MDM2: variants seen among roughly 807,000 people sequenced by gnomAD.
MDM2 encodes E3 ubiquitin-protein ligase Mdm2.
Under a neutral mutation model 64.3 loss-of-function variants are expected in MDM2, and 11 were observed. That is an observed-to-expected ratio of 0.17 (90% CI 0.11 to 0.28). MDM2 has a LOEUF of 0.28. MDM2 is among the 10% of genes least tolerant of loss of function. The pLI is 1.00. For missense variants in MDM2, 388 were observed against 577.1 expected (o/e 0.67, Z 3.36); for synonymous variants, 194 against 192.9 (o/e 1.01, Z -0.05).
intron 2 of MDM2, 31 bp downstream of exon 2, chr12:68,809,323 G>A: frequency 6.3e-7 from 1 of 1,579,288 alleles, no homozygotes; most frequent in East Asian, 2.2e-5. Context: ...TAACTTTTAA[G>A]AATAATTTAT....
Position 68,824,710 on chromosome 12 carries a change from G to T in MDM2, c.523+59G>T, listed in dbSNP as rs148010327. ...AGCTTTTTGATATTCTTTCTCTAATGAAATTAGTGCTTTTAGACTTAATTA... is the reference window on the plus strand; with the variant it reads ...AGCTTTTTGATATTCTTTCTCTAATTAAATTAGTGCTTTTAGACTTAATTA... On this transcript the variant is annotated intron_variant, in intron 7 of 10. Coordinates refer to ENST00000258149, the MANE Select transcript of MDM2 (RefSeq NM_002392.6). The T allele has an allele frequency of 1.0e-3, 1,154 of 1,108,674 alleles. 6 individuals carry two copies. The African/African-American group carries it at 0.016, about 15-fold the overall frequency. The allele number at this position is 1,108,674 out of a possible 1,614,324, so 68.7% of individuals were successfully genotyped here.
At chr12:68,831,277 A>G (rs1805287231) in intron 8 of MDM2, among the ~76,000 whole-genome samples, 2 of 152,216 alleles carry the variant, frequency 1.3e-5, no homozygotes, top group African/African-American at 4.8e-5. Context: ...GGGGGCTCTA[A>G]AGCTGAAAGA....
intron 2 of MDM2, among the ~76,000 whole-genome samples, chr12:68,811,970 T>C (rs1295855199): frequency 6.6e-6 from 1 of 151,834 alleles, no homozygotes; most frequent in Non-Finnish European, 1.5e-5. Context: ...GGTCTCACAC[T>C]CCTGACCTCA....
Position 68,842,572 on chromosome 12 carries a change from C to A in MDM2, c.*2723C>A. 3.0e-6 allele frequency: 1 copy of A among 333,044 alleles called. No individual in the cohort carries two copies. Among genetic ancestry groups the A allele is most frequent in the South Asian group, 3.0e-5 (1 of 32,926 alleles). 20.6% of individuals were successfully genotyped at this position (333,044 alleles called of 1,614,324 possible). On this transcript the variant is annotated 3_prime_UTR_variant, in exon 11 of 11. Transcript: ENST00000258149. Reference sequence around the variant, plus strand: ...ATGTTTGATCGCATCTCATTGTTAACTCTTTACTGATATGTTTGTAAATAC... The same window carrying A: ...ATGTTTGATCGCATCTCATTGTTAAATCTTTACTGATATGTTTGTAAATAC...
At chr12:68,848,632 A>G (rs1373794078), downstream of MDM2, 1 of 152,232 alleles carries the variant, frequency 6.6e-6, no homozygotes, top group African/African-American at 2.4e-5. Context: ...CTCCCTACAA[A>G]AAAGGCCTTT....
intron 4 of MDM2, among the ~76,000 whole-genome samples, chr12:68,817,297 C>A (rs1283399047): frequency 1.3e-5 from 2 of 152,196 alleles, no homozygotes; most frequent in African/African-American, 2.4e-5. Flanking sequence ...ACATACAAAG[C>A]ATTCAAGTAT....
At chr12:68,836,568 CAT>C (rs746727108) in intron 9 of MDM2, 102 bp from the exon 10 acceptor site, 251 of 823,300 alleles carry the variant, frequency 3.0e-4, no homozygotes, top group Non-Finnish European at 4.5e-4. Context: ...AAGGCTTTCT[CAT>C]ATATTGTAGT....
At chr12:68,833,168 T>TATATA in intron 8 of MDM2, among the ~76,000 whole-genome samples, 1 of 116,252 alleles carries the variant, frequency 8.6e-6, no homozygotes, top group Non-Finnish European at 1.8e-5. Flanking sequence ...ATATATATAT[T>TATATA]TATATTTAAA....
rs552221341 is a variant in MDM2, at chr12:68,827,126, C to T, written c.524-1645C>T. Among the ~76,000 whole-genome samples, 58 of 152,112 alleles carry T rather than the reference C, an allele frequency of 3.8e-4. No homozygotes were observed. The East Asian group carries it at 9.1e-3, about 24-fold the overall frequency. On this transcript the variant is annotated intron_variant, in intron 7 of 10. Transcript: ENST00000258149. ...CCAGGAGGTGGAGGTTGCAGTGTGC[C>T]GAGATTGTGCCATTATACTCCAGCC...
chr12:68,830,707 T>C (rs1882724751), intron 8 of MDM2, among the ~76,000 whole-genome samples: 1 of 152,118 alleles, frequency 6.6e-6, no homozygotes, highest in Middle Eastern at 3.2e-3. Context: ...TTATACCCTA[T>C]TTATTTATTT....
chr12:68,840,053 A>G lies in MDM2; in HGVS notation c.*204A>G. The G allele has an allele frequency of 2.0e-6, 1 of 501,608 alleles. No homozygotes were observed. The highest frequency in any genetic ancestry group is 3.5e-6 in the Non-Finnish European group (1 of 289,160). 31.1% of individuals were successfully genotyped at this position (501,608 alleles called of 1,614,324 possible). A position where few individuals can be genotyped will look rare whatever the true frequency, so the allele number is the denominator to read the frequency against. On this transcript the variant is annotated 3_prime_UTR_variant, in exon 11 of 11. Transcript: ENST00000258149. Reference sequence around the variant, plus strand: ...CTTGAATATGTAGCTCATCCTTTACACCAACTCCTAATTTTAAATAATTTC... The same window carrying G: ...CTTGAATATGTAGCTCATCCTTTACGCCAACTCCTAATTTTAAATAATTTC...
At position 68,841,888 on chromosome 12, in the gene MDM2, C is replaced by G; in HGVS notation, c.*2039C>G. 4.6e-6 allele frequency: 1 copy of G among 219,720 alleles called. No homozygotes were observed. Among genetic ancestry groups the G allele is most frequent in the East Asian group, 6.8e-5 (1 of 14,738 alleles). The allele number at this position is 219,720 out of a possible 1,614,324, so 13.6% of individuals were successfully genotyped here. On this transcript the variant is annotated 3_prime_UTR_variant, in exon 11 of 11. Transcript: ENST00000258149. ...TACCTCTTGACTTCCTCTCAAGCTCCGTGTTTGGTCAGTGGAGGCCCATCC... is the reference window on the plus strand; with the variant it reads ...TACCTCTTGACTTCCTCTCAAGCTCGGTGTTTGGTCAGTGGAGGCCCATCC...
rs34886328 is a variant in MDM2 at position 68,841,207 on chromosome 12, T to TA, written c.*1369dup. The stretch of plus-strand genomic sequence containing the variant: ...TCTCTCCAAAATACTCTTTCTAGGT[T>TA]AAAAAAAAAAAGGCTCTTATATTTG... On this transcript the variant is annotated 3_prime_UTR_variant, in exon 11 of 11. Coordinates refer to ENST00000258149, the MANE Select transcript of MDM2 (RefSeq NM_002392.6). 2,966 of 177,442 alleles carry TA rather than the reference T, an allele frequency of 0.017. 76 individuals are homozygous for TA. The highest frequency in any genetic ancestry group is 0.063 in the African/African-American group (2,586 of 40,984). The allele number at this position is 177,442 out of a possible 1,614,324, so 11.0% of individuals were successfully genotyped here.
chr12:68,838,533 G>GCTAAACATTCCCTAAC (rs1883488980), intron 10 of MDM2, among the ~76,000 whole-genome samples: 1 of 152,124 alleles, frequency 6.6e-6, no homozygotes, highest in Non-Finnish European at 1.5e-5. Context: ...TTCTCTTGTG[G>GCTAAACATTCCCTAAC]ATGGAGTTAG....
intron 8 of MDM2, among the ~76,000 whole-genome samples, chr12:68,833,450 TATAG>T (rs1255206606): frequency 2.8e-5 from 4 of 143,386 alleles, no homozygotes; most frequent in Non-Finnish European, 6.0e-5. Context: ...TAAAAATATA[TATAG>T]AGAGAGATAA....
chr12:68,820,301 ATTTTT>A lies in MDM2; in HGVS notation c.309-16_309-12del. On this transcript the variant is annotated intron_variant, in intron 4 of 10. Coordinates refer to ENST00000258149, the MANE Select transcript of MDM2 (RefSeq NM_002392.6). The stretch of plus-strand genomic sequence containing the variant: ...TATTCTAAAATGTACATCTCTTGTT[ATTTTT>A]TTTTTTTCTGTCTACAAGGAAAATA... 8.5e-7 allele frequency: 1 copy of A among 1,179,024 alleles called. No homozygotes were observed. Among genetic ancestry groups the A allele is most frequent in the Non-Finnish European group, 1.2e-6 (1 of 852,690 alleles). The allele number at this position is 1,179,024 out of a possible 1,614,324, so 73.0% of individuals were successfully genotyped here. A position where few individuals can be genotyped will look rare whatever the true frequency, so the allele number is the denominator to read the frequency against.
chr12:68,823,637 C>G (rs563854606), intron 5 of MDM2, among the ~76,000 whole-genome samples: 3 of 152,230 alleles, frequency 2.0e-5, no homozygotes, highest in South Asian at 2.1e-4. Flanking sequence ...TGCCTCTGCC[C>G]TCTTTTTCTT....
At chr12:68,836,459 T>C in intron 9 of MDM2, 1 of 438,280 alleles carries the variant, frequency 2.3e-6, no homozygotes, top group Non-Finnish European at 4.1e-6. Flanking sequence ...TTATTCATCC[T>C]AAACATCCTT....
In MDM2 at chr12:68,812,616, T is replaced by G. The variant is rs529984559; in HGVS notation, c.100-938T>G. On this transcript the variant is annotated intron_variant, in intron 2 of 10. Coordinates refer to ENST00000258149, the MANE Select transcript of MDM2 (RefSeq NM_002392.6). ...GCCTGTTACCTGTTTTTGTTTTAGTTTTTAAATTTTTTTTGTAGAGGTGGA... is the reference window on the plus strand; with the variant it reads ...GCCTGTTACCTGTTTTTGTTTTAGTGTTTAAATTTTTTTTGTAGAGGTGGA... 2.0e-5 allele frequency among the ~76,000 whole-genome samples: 3 copies of G among 152,316 alleles called. No homozygotes were observed. The East Asian group carries it at 5.8e-4, about 29-fold the overall frequency.
Sources: allele counts gnomAD v4.1 joint callset (sites outside exome capture counted in the v4.1 genomes callset), GRCh38; gene constraint gnomAD v4.1.1; transcripts MANE v1.5; gene names NCBI Gene and HGNC (gene_info 2026-07-23, HGNC 2026-07-21).